The following PRRC2B variants were observed in gnomAD, a reference collection of about 807,000 sequenced individuals.
PRRC2B encodes the protein proline rich coiled-coil 2B.
Under a neutral mutation model 242.3 loss-of-function variants are expected in PRRC2B, and 68 were observed. That is an observed-to-expected ratio of 0.28 (90% CI 0.23 to 0.34). The LOEUF (loss-of-function observed/expected upper bound fraction) is 0.34, where lower values mean the gene tolerates loss of function less well. Among genes scored for constraint, PRRC2B ranks in the 10% least tolerant of loss-of-function variants. The pLI is 1.00. For missense variants in PRRC2B, 2,835 were observed against 2,954.8 expected, an observed-to-expected ratio of 0.96 and a Z score of 0.94; for synonymous variants, 1,228 against 1,173.6, an observed-to-expected ratio of 1.05 and a Z score of -0.95.
intron 9 of PRRC2B, among the ~76,000 whole-genome samples, chr9:131,454,028 C>T (rs151129383): frequency 2.6e-5 from 4 of 152,296 alleles, no homozygotes; most frequent in Non-Finnish European, 4.4e-5. Flanking sequence ...TTGGCAGGCG[C>T]TCTCTCCCAC....
chr9:131,464,044 C>T (rs942293205), intron 11 of PRRC2B, among the ~76,000 whole-genome samples: 2 of 151,908 alleles, frequency 1.3e-5, no homozygotes, highest in African/African-American at 2.4e-5. Context: ...CAGGTTCAAG[C>T]GATTCTCCTG....
In PRRC2B at chr9:131,479,886, G is replaced by A. The variant is rs537174624; in HGVS notation, c.4900+493G>A. 7.2e-5 allele frequency among the ~76,000 whole-genome samples: 11 copies of A among 151,938 alleles called. No homozygotes were observed. In the East Asian group the frequency reaches 1.9e-3, roughly 27 times the overall value. On this transcript the variant is annotated intron_variant, in intron 19 of 31. Coordinates refer to ENST00000683519, the MANE Select transcript of PRRC2B (RefSeq NM_013318.4). ...AAACTGAGACCAGAAGACGGTATAC[G>A]TTACTTCTTAGAACATTTGTTGCCC...
At chr9:131,410,576 A>G (rs1837482769) in intron 1 of PRRC2B, among the ~76,000 whole-genome samples, 1 of 152,098 alleles carries the variant, frequency 6.6e-6, no homozygotes, top group South Asian at 2.1e-4. Flanking sequence ...GATTTTTTAG[A>G]CTCACTAACT....
At chr9:131,467,427 G>C in intron 12 of PRRC2B, 136 bp from the exon 13 acceptor site, 1 of 749,834 alleles carries the variant, frequency 1.3e-6, no homozygotes, top group East Asian at 2.7e-5. Context: ...TTTGGCACAG[G>C]GCCAGGGTTC....
Position 131,487,818 on chromosome 9 carries a change from C to T in PRRC2B, c.5985-38C>T, listed in dbSNP as rs773717664. 6.9e-6 allele frequency: 11 copies of T among 1,584,248 alleles called. No homozygotes were observed. The highest frequency in any genetic ancestry group is 3.4e-4 in the Middle Eastern group (2 of 5,954). On this transcript the variant is annotated intron_variant, in intron 27 of 31. Transcript: ENST00000683519. This position sits in a 1 kb window ranked among gnomAD's most constrained non-coding sequence, Gnocchi z 5.3. ...GTGGGACCAGATCCGCAGCTGGACT[C>T]ATCCACCTGATCCCGACCATCTGTC...
chr9:131,447,047 A>G (rs377569994), intron 7 of PRRC2B, 38 bp from the exon 8 acceptor site: 11 of 1,612,752 alleles, frequency 6.8e-6, no homozygotes, highest in Non-Finnish European at 9.3e-6. Context: ...AGTTTCAGCC[A>G]TTACCAGCAA....
chr9:131,409,569 A>C (rs1041005302), intron 1 of PRRC2B, among the ~76,000 whole-genome samples: 2 of 152,170 alleles, frequency 1.3e-5, no homozygotes, highest in Admixed American at 1.3e-4. Flanking sequence ...GGTAACTCGC[A>C]TGCATTTCAG....
rs1315937147 is a variant in PRRC2B at position 131,474,952 on chromosome 9, C to T, written c.2823C>T (p.Pro941=). 19 of 1,596,590 alleles carry T rather than the reference C, an allele frequency of 1.2e-5. No individual in the cohort carries two copies. The highest frequency in any genetic ancestry group is 1.6e-5 in the Non-Finnish European group (19 of 1,172,008). The change falls in exon 16 of 32, where the codon CCC becomes CCT. Residue 941 remains proline (P), a synonymous_variant. Transcript: ENST00000683519. ...CGGGCAGGACCCGGAGGTCGGGACC[C>T]ATCAAGAAACCAGTCCTGAAAGCCC... ...EQTGRTRRSG[P]IKKPVLKALK... is the part of the protein sequence containing the mutation.
chr9:131,396,124 A>G (rs1193126370), intron 1 of PRRC2B, among the ~76,000 whole-genome samples: 1 of 152,160 alleles, frequency 6.6e-6, no homozygotes, highest in Admixed American at 6.5e-5. Context: ...TTGGGTATCT[A>G]TTAGGGCTCT....
chr9:131,426,991 G>A (rs1837993102), intron 1 of PRRC2B, among the ~76,000 whole-genome samples: 1 of 152,210 alleles, frequency 6.6e-6, no homozygotes, highest in Non-Finnish European at 1.5e-5. Context: ...AGCCATGTGG[G>A]GCGGAGAGGA....
rs1554758580 is a variant in PRRC2B, at chr9:131,420,453, T to TTCTCTTTCTTTCTTTCTTTCTTTC, written c.-51-9640_-51-9639insCTCTTTCTTTCTTTCTTTCTTTCT. Among the ~76,000 whole-genome samples, 3 of 61,056 alleles carry TTCTCTTTCTTTCTTTCTTTCTTTC rather than the reference T, an allele frequency of 4.9e-5. No homozygotes were observed. The South Asian group carries it at 2.6e-3, about 52-fold the overall frequency. The allele number at this position is 61,056 out of a possible 152,430, so 40.1% of individuals were successfully genotyped here. On this transcript the variant is annotated intron_variant, in intron 1 of 31. Transcript: ENST00000683519. ...TTTTCTTTTTTCTTTTTCTTTTTCT[T>TTCTCTTTCTTTCTTTCTTTCTTTC]TTTCTTTCTTTCTTTCTTTCTTTCT...
upstream of PRRC2B, among the ~76,000 whole-genome samples, chr9:131,391,036 C>T (rs923685238): frequency 2.0e-5 from 3 of 152,034 alleles, no homozygotes; most frequent in Non-Finnish European, 4.4e-5. Flanking sequence ...CTGCCCACCT[C>T]AGCCTCCCAA....
intron 11 of PRRC2B, among the ~76,000 whole-genome samples, chr9:131,459,845 T>C (rs1470124286): frequency 6.6e-6 from 1 of 151,850 alleles, no homozygotes; most frequent in Non-Finnish European, 1.5e-5. Context: ...GTCTTCTTGT[T>C]ATAGTTAAAA....
intron 25 of PRRC2B, 150 bp downstream of exon 25, chr9:131,485,290 C>G: frequency 3.0e-6 from 2 of 668,522 alleles, no homozygotes; most frequent in Non-Finnish European, 5.0e-6. Context: ...TCGTAGCTCC[C>G]ATGTGCTGCA....
intron 9 of PRRC2B, among the ~76,000 whole-genome samples, chr9:131,451,041 A>G (rs549782502): frequency 6.6e-6 from 1 of 152,290 alleles, no homozygotes; most frequent in East Asian, 1.9e-4. Context: ...TTTTGATGCT[A>G]TTAGAAATGA....
chr9:131,466,491 T>C (rs1350975483), intron 12 of PRRC2B, among the ~76,000 whole-genome samples: 1 of 152,222 alleles, frequency 6.6e-6, no homozygotes. Context: ...TTTTCCTCTT[T>C]TAAAAAAATG....
chr9:131,456,732 G>T (rs1444832855), intron 10 of PRRC2B, among the ~76,000 whole-genome samples: 1 of 152,142 alleles, frequency 6.6e-6, no homozygotes, highest in Non-Finnish European at 1.5e-5. Context: ...CTGGAATCCA[G>T]AAGGTCGAGG....
intron 26 of PRRC2B, among the ~76,000 whole-genome samples, chr9:131,486,949 A>G (rs1944040808): frequency 6.6e-6 from 1 of 152,144 alleles, no homozygotes; most frequent in African/African-American, 2.4e-5. Flanking sequence ...GCTGTGTAGA[A>G]TTCCAGGGTA....
upstream of PRRC2B, among the ~76,000 whole-genome samples, chr9:131,390,115 G>A (rs1413838057): frequency 1.3e-5 from 2 of 149,408 alleles, no homozygotes; most frequent in African/African-American, 2.4e-5. Flanking sequence ...GGGTTTCACC[G>A]TGTTGGCCAG....
Sources: allele counts gnomAD v4.1 joint callset (sites outside exome capture counted in the v4.1 genomes callset), GRCh38; gene constraint gnomAD v4.1.1; non-coding constraint Gnocchi (gnomAD v3.1); transcripts MANE v1.5; gene names NCBI Gene and HGNC (gene_info 2026-07-23, HGNC 2026-07-21).